The following SV2C variants were observed in gnomAD, a reference collection of about 807,000 sequenced individuals.
SV2C encodes the protein synaptic vesicle glycoprotein 2C.
Under a neutral mutation model 79.7 loss-of-function variants are expected in SV2C, and 49 were observed. The observed-to-expected ratio is 0.61, with a 90% CI of 0.49 to 0.78. The LOEUF is 0.78. Ranked by LOEUF, SV2C falls within the 30% of genes least tolerant of loss-of-function variation. SV2C has a pLI of 0.00. For synonymous variants in SV2C, 334 were observed against 333.2 expected (o/e 1.00, Z -0.03); for missense variants, 833 against 912.9 (o/e 0.91, Z 1.13).
At chr5:76,054,683 A>T in the SV2C span, among the ~76,000 whole-genome samples, 2 of 152,160 alleles carry the variant, frequency 1.3e-5, no homozygotes, top group Non-Finnish European at 2.9e-5. Flanking sequence ...AATAATTGAC[A>T]TTCTGACTGG....
intron 4 of SV2C, among the ~76,000 whole-genome samples, chr5:76,231,221 A>G (rs1423935065): frequency 3.9e-5 from 6 of 152,182 alleles, no homozygotes; most frequent in Non-Finnish European, 8.8e-5. Flanking sequence ...TTTATTCTTC[A>G]TGTCCTACTG....
chr5:76,266,232 G>C (rs1746649425), intron 4 of SV2C, among the ~76,000 whole-genome samples: 1 of 152,082 alleles, frequency 6.6e-6, no homozygotes, highest in Non-Finnish European at 1.5e-5. Context: ...TATTGAGATG[G>C]AGTCTCACTC....
Position 76,140,403 on chromosome 5 carries a change from C to G in SV2C, c.580+8073C>G, listed in dbSNP as rs541015465. Among the ~76,000 whole-genome samples, 6 of 152,172 alleles carry G rather than the reference C, an allele frequency of 3.9e-5. No individual in the cohort carries two copies. The South Asian group carries it at 1.2e-3, about 32-fold the overall frequency. On this transcript the variant is annotated intron_variant, in intron 2 of 12. Transcript: ENST00000502798. ...GAGCTGGATAGATATGACCTGAAACCCTTATTCCTTTAGGGATTAACAAAA... is the reference window on the plus strand; with the variant it reads ...GAGCTGGATAGATATGACCTGAAACGCTTATTCCTTTAGGGATTAACAAAA...
At position 76,270,979 on chromosome 5, in the gene SV2C, C is replaced by T. The variant is rs142636048; in HGVS notation, c.914-14183C>T. On this transcript the variant is annotated intron_variant, in intron 4 of 12. Coordinates refer to ENST00000502798, the MANE Select transcript of SV2C (RefSeq NM_014979.4). Reference sequence around the variant, plus strand: ...AGACGGGGTTTCACCATGTTGGCCACGCTGATCTCGAACTGCTGACCTCAG... The same window carrying T: ...AGACGGGGTTTCACCATGTTGGCCATGCTGATCTCGAACTGCTGACCTCAG... Among the ~76,000 whole-genome samples the T allele has an allele frequency of 1.4e-4, 22 of 151,968 alleles. 1 individual carries two copies. In the East Asian group the frequency reaches 3.7e-3, roughly 25 times the overall value.
chr5:76,080,465 G>A (rs1425093281), upstream of SV2C, among the ~76,000 whole-genome samples: 1 of 152,130 alleles, frequency 6.6e-6, no homozygotes, highest in Non-Finnish European at 1.5e-5. Context: ...TCTCCAAAGC[G>A]CAGGCTTTGG....
At chr5:76,118,483 A>C (rs1748355663) in intron 1 of SV2C, among the ~76,000 whole-genome samples, 3 of 152,232 alleles carry the variant, frequency 2.0e-5, no homozygotes, top group Non-Finnish European at 4.4e-5. Flanking sequence ...GAAAAGGATA[A>C]AAGATTTCAC....
At position 76,274,681 on chromosome 5, in the gene SV2C, C is replaced by A. The variant is rs560784709; in HGVS notation, c.914-10481C>A. ...CTTGGCCTTTTTTTTCCTTTTTCTC[C>A]TTCTTTTTTTTTTTTTCTTTTTACA... On this transcript the variant is annotated intron_variant, in intron 4 of 12. Transcript: ENST00000502798. Among the ~76,000 whole-genome samples the A allele has an allele frequency of 5.2e-5, 5 of 96,774 alleles. No homozygotes were observed. The South Asian group carries it at 2.0e-3, about 38-fold the overall frequency. 63.5% of individuals were successfully genotyped at this position (96,774 alleles called of 152,430 possible). A position where few individuals can be genotyped will look rare whatever the true frequency, so the allele number is the denominator to read the frequency against.
chr5:76,342,748 TTTGGGATATTC>T lies in SV2C; in HGVS notation c.2001-10378_2001-10368del, dbSNP rs1376669254. ...CTCATCTGTAAAACGAGGATACTTATTTGGGATATTCTTGTTTGAAAGGATTGAATAATATA... is the reference window on the plus strand; with the variant it reads ...CTCATCTGTAAAACGAGGATACTTATTTGTTTGAAAGGATTGAATAATATA... On this transcript the variant is annotated intron_variant, in intron 12 of 12. Transcript: ENST00000322285. Among the ~76,000 whole-genome samples, 3 of 152,264 alleles carry T rather than the reference TTTGGGATATTC, an allele frequency of 2.0e-5. No homozygotes were observed. The East Asian group carries it at 5.8e-4, about 29-fold the overall frequency.
chr5:76,003,089 C>T, the SV2C span, among the ~76,000 whole-genome samples: 1 of 152,070 alleles, frequency 6.6e-6, no homozygotes, highest in Non-Finnish European at 1.5e-5. Flanking sequence ...AGGGCTTTTT[C>T]CCCTTTTGCT....
chr5:75,898,553 C>A, the SV2C span, among the ~76,000 whole-genome samples: 3 of 151,994 alleles, frequency 2.0e-5, no homozygotes, highest in African/African-American at 7.2e-5. Flanking sequence ...TCTCTGCCCG[C>A]CTTTGGTATC....
chr5:75,884,219 A>G, the SV2C span, among the ~76,000 whole-genome samples: 1 of 152,116 alleles, frequency 6.6e-6, no homozygotes, highest in African/African-American at 2.4e-5. Context: ...CAAATGGACT[A>G]TTTGATTGGC....
In SV2C at chr5:76,317,433, A is replaced by ACC. The variant is rs200876211; in HGVS notation, c.2001-7924_2001-7923dup. ...AAATTTATTCTAGACAAAAAGAACC[A>ACC]CCCCCCCCAACACACACACACATAC... On this transcript the variant is annotated intron_variant, in intron 12 of 12. Coordinates refer to ENST00000502798, the MANE Select transcript of SV2C (RefSeq NM_014979.4). Among the ~76,000 whole-genome samples, 30 of 146,922 alleles carry ACC rather than the reference A, an allele frequency of 2.0e-4. 1 individual carries two copies. The highest frequency in any genetic ancestry group is 6.7e-4 in the African/African-American group (26 of 38,904).
the SV2C span, among the ~76,000 whole-genome samples, chr5:75,941,844 G>C: frequency 6.6e-6 from 1 of 152,154 alleles, no homozygotes; most frequent in Non-Finnish European, 1.5e-5. Flanking sequence ...GACCTACCTT[G>C]TCTGATTGTA....
the SV2C span, among the ~76,000 whole-genome samples, chr5:75,971,392 T>C: frequency 6.6e-6 from 1 of 152,130 alleles, no homozygotes; most frequent in African/African-American, 2.4e-5. Flanking sequence ...ATTGTCCCTG[T>C]TTGCAGATGA....
intron 6 of SV2C, among the ~76,000 whole-genome samples, chr5:76,287,557 A>C (rs892782710): frequency 3.3e-5 from 5 of 152,004 alleles, no homozygotes; most frequent in African/African-American, 1.2e-4. Context: ...CCTGCTTTAT[A>C]GTTCCCCTCT....
chr5:76,305,111 G>A (rs1361016270), intron 12 of SV2C, among the ~76,000 whole-genome samples: 1 of 152,060 alleles, frequency 6.6e-6, no homozygotes, highest in African/African-American at 2.4e-5. Flanking sequence ...ATAGCTCACA[G>A]GAACTCACTC....
At chr5:75,857,883 T>C in the SV2C span, among the ~76,000 whole-genome samples, 1 of 152,172 alleles carries the variant, frequency 6.6e-6, no homozygotes, top group African/African-American at 2.4e-5. Context: ...AATGTGATTG[T>C]TTTCTTGATT....
At chr5:76,257,509 G>A (rs1746323258) in intron 4 of SV2C, among the ~76,000 whole-genome samples, 1 of 144,038 alleles carries the variant, frequency 6.9e-6, no homozygotes, top group African/African-American at 2.5e-5. Context: ...GTGTGAGGGT[G>A]GTGTGTGGTG....
the SV2C span, among the ~76,000 whole-genome samples, chr5:75,946,733 A>G: frequency 2.6e-5 from 4 of 152,108 alleles, no homozygotes; most frequent in Non-Finnish European, 1.5e-5. Flanking sequence ...AACTGTAAGG[A>G]CAGAGAACAC....
Sources: allele counts gnomAD v4.1 joint callset (sites outside exome capture counted in the v4.1 genomes callset), GRCh38; gene constraint gnomAD v4.1.1; transcripts MANE v1.5; gene names NCBI Gene and HGNC (gene_info 2026-07-23, HGNC 2026-07-21).